YWHAH: variants seen among roughly 807,000 people sequenced by gnomAD.
YWHAH encodes the protein tyrosine 3-monooxygenase/tryptophan 5-monooxygenase activation protein eta.
A neutral mutation model predicts 22.9 loss-of-function variants in YWHAH; 6 were observed. The observed-to-expected ratio is 0.26, with a 90% CI of 0.14 to 0.52. YWHAH has a LOEUF of 0.52. Among genes scored for constraint, YWHAH ranks in the 20% least tolerant of loss-of-function variants. The pLI is 0.97. For synonymous variants in YWHAH, 135 were observed against 124.5 expected (o/e 1.08, Z -0.56); for missense variants, 173 against 308.6 (o/e 0.56, Z 3.29).
intron 1 of YWHAH, among the ~76,000 whole-genome samples, chr22:31,948,336 G>T (rs2093837931): frequency 6.6e-6 from 1 of 152,182 alleles, no homozygotes; most frequent in African/African-American, 2.4e-5. Flanking sequence ...ACTGCCCCAG[G>T]TGAGACAGAT....
chr22:31,944,614 C>A lies in YWHAH; in HGVS notation c.-120C>A, dbSNP rs1452215337. On this transcript the variant is annotated 5_prime_UTR_variant, in exon 1 of 2. Coordinates refer to ENST00000248975, the MANE Select transcript of YWHAH (RefSeq NM_003405.4). ...CTGCAGCCTGCAGCCTCCGGCCGGC[C>A]GGCGAGCCAGTGCGCGTGCGCGGCG... is the stretch of plus-strand genomic sequence containing the variant. 9.6e-6 allele frequency: 7 copies of A among 730,084 alleles called. No individual in the cohort carries two copies. Among genetic ancestry groups the A allele is most frequent in the Non-Finnish European group, 1.2e-5 (7 of 560,536 alleles). 45.2% of individuals were successfully genotyped at this position (730,084 alleles called of 1,614,324 possible).
At chr22:31,950,232 A>G (rs1306303175) in intron 1 of YWHAH, 1 of 715,248 alleles carries the variant, frequency 1.4e-6, no homozygotes, top group Admixed American at 2.0e-5. Context: ...TTGTTTCTCC[A>G]TATTGCCTTT....
At chr22:31,945,448 G>A (rs1238253204) in intron 1 of YWHAH, 2 of 1,304,068 alleles carry the variant, frequency 1.5e-6, no homozygotes, top group African/African-American at 1.5e-5. Flanking sequence ...CACAGCCCCA[G>A]GTTTGCTGCT....
intron 1 of YWHAH, among the ~76,000 whole-genome samples, chr22:31,948,846 A>G (rs963887914): frequency 2.0e-5 from 3 of 152,230 alleles, no homozygotes; most frequent in African/African-American, 7.2e-5. Context: ...AGGTGGGCAA[A>G]CAGCTTACGT....
chr22:31,946,475 A>G (rs1196129708), intron 1 of YWHAH, among the ~76,000 whole-genome samples: 1 of 152,144 alleles, frequency 6.6e-6, no homozygotes. Flanking sequence ...ATGCAGGCTG[A>G]GGCCTCTCCA....
intron 1 of YWHAH, among the ~76,000 whole-genome samples, chr22:31,948,317 G>A (rs1360862249): frequency 6.6e-6 from 1 of 152,168 alleles, no homozygotes; most frequent in African/African-American, 2.4e-5. Context: ...GTGTAAAAGT[G>A]CACAGCTGAC....
chr22:31,945,626 T>G (rs1203217767), intron 1 of YWHAH: 1 of 1,296,024 alleles, frequency 7.7e-7, no homozygotes, highest in Non-Finnish European at 1.0e-6. Context: ...CCACCTGCAT[T>G]TCTGAGTTCC....
At chr22:31,951,389 G>A (rs2093843114) in intron 1 of YWHAH, among the ~76,000 whole-genome samples, 1 of 152,240 alleles carries the variant, frequency 6.6e-6, no homozygotes, top group Non-Finnish European at 1.5e-5. Flanking sequence ...CCCATAGCAT[G>A]TGTGGAGCTG....
intron 1 of YWHAH, among the ~76,000 whole-genome samples, chr22:31,952,064 G>T (rs1348362718): frequency 2.0e-5 from 3 of 152,214 alleles, no homozygotes; most frequent in African/African-American, 7.2e-5. Context: ...TGGCAGAAAT[G>T]ACTGTTGTAA....
rs1195779432 is a variant in YWHAH, at chr22:31,957,466, G to T, written c.*674G>T. 1 of 151,790 alleles carries T rather than the reference G, an allele frequency of 6.6e-6. No individual in the cohort carries two copies. The highest frequency in any genetic ancestry group is 1.5e-5 in the Non-Finnish European group (1 of 67,888). 9.4% of individuals were successfully genotyped at this position (151,790 alleles called of 1,614,324 possible). On this transcript the variant is annotated 3_prime_UTR_variant, in exon 2 of 2. Transcript: ENST00000248975. ...TGGATTTATTTTTTGTAACTCTTTGGCTATTGTCCTTGTGTATCCTGACAG... is the reference window on the plus strand; with the variant it reads ...TGGATTTATTTTTTGTAACTCTTTGTCTATTGTCCTTGTGTATCCTGACAG...
chr22:31,945,654 C>T lies in YWHAH; in HGVS notation c.87+834C>T, dbSNP rs1440098972. 6 of 1,283,516 alleles carry T rather than the reference C, an allele frequency of 4.7e-6. No individual in the cohort carries two copies. In the South Asian group the frequency reaches 6.2e-5, roughly 13 times the overall value. 79.5% of individuals were successfully genotyped at this position (1,283,516 alleles called of 1,614,324 possible). A position where few individuals can be genotyped will look rare whatever the true frequency, so the allele number is the denominator to read the frequency against. ...TGAGTTCCGGTTACCATCTCACTCT[C>T]TCTCCACGTTATTTTACGTTTTCTG... is the stretch of plus-strand genomic sequence containing the variant. On this transcript the variant is annotated intron_variant, in intron 1 of 1. Coordinates refer to ENST00000248975, the MANE Select transcript of YWHAH (RefSeq NM_003405.4).
chr22:31,951,246 C>A (rs2093842908), intron 1 of YWHAH, among the ~76,000 whole-genome samples: 1 of 152,146 alleles, frequency 6.6e-6, no homozygotes, highest in Admixed American at 6.5e-5. Flanking sequence ...CATACACGTA[C>A]ACACACACTT....
chr22:31,950,132 ATTTGAGTTTCTCCTGAG>A (rs1441802254), intron 1 of YWHAH, among the ~76,000 whole-genome samples: 1 of 93,466 alleles, frequency 1.1e-5, no homozygotes, highest in East Asian at 4.0e-4. Context: ...AAAGTATTGA[ATTTGAGTTTCTCCTGAG>A]TTAAGAAGTG....
At chr22:31,945,810 A>C in intron 1 of YWHAH, 1 of 655,794 alleles carries the variant, frequency 1.5e-6, no homozygotes. Flanking sequence ...AGACCTATAC[A>C]TTCAGAAATT....
At chr22:31,947,628 T>C in intron 1 of YWHAH, 1 of 394,166 alleles carries the variant, frequency 2.5e-6, no homozygotes, top group Non-Finnish European at 5.2e-6. Context: ...ATCTTCAAGC[T>C]CTATCTCATA....
chr22:31,951,715 G>A (rs2093843529), intron 1 of YWHAH, among the ~76,000 whole-genome samples: 1 of 152,174 alleles, frequency 6.6e-6, no homozygotes, highest in African/African-American at 2.4e-5. Flanking sequence ...ATTTAGTAAT[G>A]TTGGGGGTAG....
chr22:31,951,093 A>G (rs1053040927), intron 1 of YWHAH, among the ~76,000 whole-genome samples: 1 of 152,070 alleles, frequency 6.6e-6, no homozygotes, highest in African/African-American at 2.4e-5. Context: ...GGGTTTCTCT[A>G]TATTGACTGG....
chr22:31,956,015 C>T lies in YWHAH; in HGVS notation c.88-124C>T, dbSNP rs2093849166. 5 of 1,151,368 alleles carry T rather than the reference C, an allele frequency of 4.3e-6. No homozygotes were observed. Among genetic ancestry groups the T allele is most frequent in the South Asian group, 1.6e-5 (1 of 62,880 alleles). The allele number at this position is 1,151,368 out of a possible 1,614,324, so 71.3% of individuals were successfully genotyped here. A position where few individuals can be genotyped will look rare whatever the true frequency, so the allele number is the denominator to read the frequency against. On this transcript the variant is annotated intron_variant, in intron 1 of 1. Transcript: ENST00000248975. The surrounding 1 kb of genome is among the most constrained non-coding windows in gnomAD (Gnocchi z 5.1). ...TTTATCCATGGGTGGTTTTTATTCT[C>T]CAGAGTGACTGACCTGTTCGTAATT... is the stretch of plus-strand genomic sequence containing the variant.
At chr22:31,944,979 G>T (rs1569273678) in intron 1 of YWHAH, 159 bp downstream of exon 1, 1 of 1,119,466 alleles carries the variant, frequency 8.9e-7, no homozygotes, top group East Asian at 4.7e-5. Flanking sequence ...TCCCGCTCCC[G>T]CTGGGCGCCC....
Sources: allele counts gnomAD v4.1 joint callset (sites outside exome capture counted in the v4.1 genomes callset), GRCh38; gene constraint gnomAD v4.1.1; non-coding constraint Gnocchi (gnomAD v3.1); transcripts MANE v1.5; gene names NCBI Gene and HGNC (gene_info 2026-07-23, HGNC 2026-07-21).